Variants in DACH2 observed in about 807,000 individuals in gnomAD.
DACH2 encodes dachshund family transcription factor 2, also known as dachshund homolog 2.
In DACH2, 17 loss-of-function variants were observed where a neutral mutation model predicts 35.8. The ratio of observed to expected loss-of-function variants is 0.48; its 90% CI spans 0.33 to 0.71. The LOEUF (loss-of-function observed/expected upper bound fraction) is 0.71, where lower values mean the gene tolerates loss of function less well. Ranked by LOEUF, DACH2 falls within the 30% of genes least tolerant of loss-of-function variation. The pLI is 0.02. For synonymous variants in DACH2, 195 were observed against 177.3 expected (o/e 1.10, Z -0.79); for missense variants, 469 against 472.7 (o/e 0.99, Z 0.07).
intron 4 of DACH2, among the ~76,000 whole-genome samples, chrX:86,691,164 G>A (rs1371525596): frequency 9.0e-6 from 1 of 111,455 alleles, no homozygotes; most frequent in Admixed American, 9.6e-5. Context: ...CTTTACTGGA[G>A]GAATTCCCTC....
chrX:86,433,094 A>G (rs2037011079), intron 2 of DACH2, among the ~76,000 whole-genome samples: 1 of 112,012 alleles, frequency 8.9e-6, no homozygotes, highest in Non-Finnish European at 1.9e-5. Context: ...TAACAATAGT[A>G]TCTACCTCTA....
intron 2 of DACH2, among the ~76,000 whole-genome samples, chrX:86,494,333 C>T (rs893892262): frequency 5.4e-5 from 6 of 111,838 alleles, no homozygotes; most frequent in Non-Finnish European, 1.1e-4. Flanking sequence ...TCTGGGTCAA[C>T]GTTTAGAACT....
intron 4 of DACH2, among the ~76,000 whole-genome samples, chrX:86,676,169 CTACA>C (rs1285721979): frequency 2.7e-5 from 3 of 111,999 alleles, no homozygotes; most frequent in Non-Finnish European, 3.8e-5. Flanking sequence ...CATTGTCACA[CTACA>C]TACCTTGGCT....
At chrX:86,329,477 G>A (rs1331137329) in intron 1 of DACH2, among the ~76,000 whole-genome samples, 1 of 111,290 alleles carries the variant, frequency 9.0e-6, no homozygotes, top group Non-Finnish European at 1.9e-5. Flanking sequence ...CAGTGGGAGA[G>A]GCAGCAGAGA....
At chrX:86,310,639 G>A (rs1298190080) in intron 1 of DACH2, among the ~76,000 whole-genome samples, 3 of 111,864 alleles carry the variant, frequency 2.7e-5, no homozygotes, top group Non-Finnish European at 3.8e-5. Flanking sequence ...CCAGATATGC[G>A]ATTATATACT....
intron 2 of DACH2, among the ~76,000 whole-genome samples, chrX:86,490,881 G>A (rs1033832298): frequency 9.0e-6 from 1 of 111,122 alleles, no homozygotes; most frequent in African/African-American, 3.3e-5. Context: ...ACAAAGTCAT[G>A]CAGTAAACAT....
At chrX:86,826,686 C>G (rs1221096726) in intron 11 of DACH2, among the ~76,000 whole-genome samples, 1 of 112,040 alleles carries the variant, frequency 8.9e-6, no homozygotes, top group Admixed American at 9.5e-5. Context: ...TTGAGAATAT[C>G]ATGTTCTGAA....
At chrX:86,731,388 AT>A (rs1319180141) in intron 6 of DACH2, among the ~76,000 whole-genome samples, 2 of 111,666 alleles carry the variant, frequency 1.8e-5, no homozygotes, top group African/African-American at 3.2e-5. Flanking sequence ...TCCTTTAAAA[AT>A]ATTGTACTAC....
intron 2 of DACH2, among the ~76,000 whole-genome samples, chrX:86,422,069 G>GA (rs1441715818): frequency 1.8e-5 from 2 of 110,801 alleles, no homozygotes; most frequent in East Asian, 2.8e-4. Context: ...AAAATTGAGG[G>GA]AAAAAAATCT....
chrX:86,297,421 C>T (rs192400453), intron 1 of DACH2, among the ~76,000 whole-genome samples: 2 of 111,883 alleles, frequency 1.8e-5, no homozygotes, highest in Admixed American at 9.5e-5. Flanking sequence ...CATATAGCAA[C>T]CCCATCATAG....
chrX:86,707,788 G>A (rs146863917), intron 5 of DACH2, among the ~76,000 whole-genome samples: 1,343 of 106,836 alleles, frequency 0.013, 8 homozygotes, highest in Non-Finnish European at 0.02. Context: ...GGTGGCGTGC[G>A]CCTGTAGTCT....
Position 86,478,542 on chromosome X carries a change from C to CTT in DACH2, c.528-35721_528-35720dup, listed in dbSNP as rs767463672. Among the ~76,000 whole-genome samples, 361 of 86,902 alleles carry CTT rather than the reference C, an allele frequency of 4.2e-3. 4 individuals carry two copies. The highest frequency in any genetic ancestry group is 0.013 in the African/African-American group (314 of 23,873). 75.5% of individuals were successfully genotyped at this position (86,902 alleles called of 115,157 possible). On this transcript the variant is annotated intron_variant, in intron 2 of 11. Coordinates refer to ENST00000373125, the MANE Select transcript of DACH2 (RefSeq NM_053281.3). ...TTTAGTTTTTTTCTTTTTTGTTTTT[C>CTT]TTTTTTTTTTTTTTTTTATGTCACT...
rs1371251785 is a variant in DACH2 at position 86,813,205 on chromosome X, C to T, written c.1465C>T (p.Leu489=). The change falls in exon 9 of 12, where the codon CTG becomes TTG. Residue 489 remains leucine, a synonymous_variant. Coordinates refer to ENST00000373125, the MANE Select transcript of DACH2 (RefSeq NM_053281.3). ...QIQQEKKELR[L]ELYREREIRE... is the part of the protein sequence containing the mutation. ...TCAACAAGAAAAGAAGGAGCTGCGA[C>T]TGGAGCTCTATAGAGAGAGAGAAAT... 2 of 1,206,375 alleles carry T rather than the reference C, an allele frequency of 1.7e-6. No homozygotes were observed. The highest frequency in any genetic ancestry group is 5.9e-5 in the East Asian group (2 of 33,703).
intron 2 of DACH2, among the ~76,000 whole-genome samples, chrX:86,484,745 A>G (rs1174215344): frequency 8.9e-6 from 1 of 112,227 alleles, no homozygotes; most frequent in Non-Finnish European, 1.9e-5. Context: ...TTTATATTAC[A>G]GTGGTTACAG....
At chrX:86,486,298 G>T (rs968772629) in intron 2 of DACH2, among the ~76,000 whole-genome samples, 10 of 110,982 alleles carry the variant, frequency 9.0e-5, no homozygotes, top group Non-Finnish European at 1.9e-4. Flanking sequence ...CTCTGAACTA[G>T]CTCCATTTTT....
intron 1 of DACH2, among the ~76,000 whole-genome samples, chrX:86,271,562 G>A: frequency 9.0e-6 from 1 of 111,678 alleles, no homozygotes; most frequent in East Asian, 2.8e-4. Flanking sequence ...GTTGAGCAGG[G>A]AGAAGTAAGG....
intron 1 of DACH2, among the ~76,000 whole-genome samples, chrX:86,296,742 T>G (rs760526846): frequency 9.0e-6 from 1 of 111,193 alleles, no homozygotes; most frequent in African/African-American, 3.3e-5. Flanking sequence ...TTGGTAAAAT[T>G]TATTACATAT....
chrX:86,665,430 A>G (rs1488627187), intron 4 of DACH2, among the ~76,000 whole-genome samples: 1 of 111,687 alleles, frequency 9.0e-6, no homozygotes, highest in Non-Finnish European at 1.9e-5. Flanking sequence ...ATAAGAGAAA[A>G]TTAGTGGTAA....
intron 3 of DACH2, among the ~76,000 whole-genome samples, chrX:86,642,993 A>G: frequency 9.0e-6 from 1 of 110,768 alleles, no homozygotes; most frequent in Non-Finnish European, 1.9e-5. Flanking sequence ...AAATGCCCAC[A>G]TAAAAAAGTT....
Sources: allele counts gnomAD v4.1 joint callset (sites outside exome capture counted in the v4.1 genomes callset), GRCh38; gene constraint gnomAD v4.1.1; transcripts MANE v1.5; gene names NCBI Gene and HGNC (gene_info 2026-07-23, HGNC 2026-07-21).